The following PDHB variants were observed in gnomAD, a reference collection of about 807,000 sequenced individuals.
PDHB encodes pyruvate dehydrogenase E1 subunit beta, also known as pyruvate dehydrogenase E1 component subunit beta, mitochondrial.
PDHB carries 17 observed loss-of-function variants against 42.8 expected under a neutral mutation model. The observed-to-expected ratio is 0.40, with a 90% CI of 0.27 to 0.60. PDHB has a LOEUF of 0.60. PDHB is among the 20% of genes least tolerant of loss of function. PDHB has a pLI of 0.46. For synonymous variants in PDHB, 154 were observed against 148.7 expected (o/e 1.04, Z -0.26); for missense variants, 322 against 451.3 (o/e 0.71, Z 2.60).
At position 58,431,660 on chromosome 3, in the gene PDHB, T is replaced by G; in HGVS notation, c.268-32A>C. ...AGTAAAATATAAACATAAGTGAAAA[T>G]CCATAAAAATGAGGATAATGGACAC... On this transcript the variant is annotated intron_variant, in intron 4 of 9. Transcript: ENST00000302746. The surrounding 1 kb of genome is among the most constrained non-coding windows in gnomAD (Gnocchi z 4.4). The G allele has an allele frequency of 6.2e-7, 1 of 1,607,292 alleles. No homozygotes were observed. The highest frequency in any genetic ancestry group is 8.5e-7 in the Non-Finnish European group (1 of 1,174,068).
intron 2 of PDHB, 165 bp from the exon 3 acceptor site, chr3:58,432,149 A>G: frequency 1.5e-6 from 1 of 665,428 alleles, no homozygotes; most frequent in Non-Finnish European, 2.7e-6. Flanking sequence ...TTTCTATTAC[A>G]CATAGTTGGT....
chr3:58,432,035 T>A, intron 2 of PDHB, 51 bp from the exon 3 acceptor site: 2 of 1,261,308 alleles, frequency 1.6e-6, no homozygotes, highest in Non-Finnish European at 2.3e-6. Flanking sequence ...GGGATTCAAC[T>A]AAGATTTTCT....
At position 58,430,882 on chromosome 3, in the gene PDHB, G is replaced by A. The variant is rs1006798214; in HGVS notation, c.364C>T (p.Gln122Ter). The change falls in exon 6 of 10, where the codon CAG becomes TAG. Residue 122 changes from glutamine (Q) to a stop codon, truncating the protein, a stop_gained. Coordinates refer to ENST00000302746, the MANE Select transcript of PDHB (RefSeq NM_000925.4). LOFTEE classifies it high-confidence loss of function. ...TFNFSMQAID[Q>*]VINSAAKTYY... is the part of the protein sequence containing the mutation. Reference sequence around the variant, plus strand: ...GTCTTGGCAGCTGAGTTTATAACCTGGTCAATGGCTTGCATGGAGAAATTG... The same window carrying A: ...GTCTTGGCAGCTGAGTTTATAACCTAGTCAATGGCTTGCATGGAGAAATTG... 6.2e-7 allele frequency: 1 copy of A among 1,613,974 alleles called. No homozygotes were observed. Among genetic ancestry groups the A allele is most frequent in the Non-Finnish European group, 8.5e-7 (1 of 1,179,980 alleles).
At position 58,430,810 on chromosome 3, in the gene PDHB, C is replaced by G; in HGVS notation, c.436G>C (p.Gly146Arg). ...ACACCTGCTGAGGCACCATTGGGCC[C>G]TCTGAAGACTATAGGCACAGGCTGA... ...GLQPVPIVFR[G>R]PNGASAGVAA... Residue 146 changes from glycine (G) to arginine (R), a missense_variant, in exon 6 of 10, where the codon GGG becomes CGG. Physicochemically the swap from Gly to Arg is moderately radical, Grantham distance 125. Coordinates refer to ENST00000302746, the MANE Select transcript of PDHB (RefSeq NM_000925.4). 1 of 1,614,084 alleles carries G rather than the reference C, an allele frequency of 6.2e-7. No individual in the cohort carries two copies. Among genetic ancestry groups the G allele is most frequent in the Non-Finnish European group, 8.5e-7 (1 of 1,179,976 alleles).
Position 58,431,831 on chromosome 3 carries a change from G to A in PDHB, c.205-38C>T. 1.2e-6 allele frequency: 2 copies of A among 1,606,970 alleles called. No individual in the cohort carries two copies. The highest frequency in any genetic ancestry group is 1.7e-5 in the Admixed American group (1 of 60,020). ...GTTGATCCCTTAAGTGTATCTGGGGGTAACAGTGACCTCAATTTTGTATAA... is the reference window on the plus strand; with the variant it reads ...GTTGATCCCTTAAGTGTATCTGGGGATAACAGTGACCTCAATTTTGTATAA... On this transcript the variant is annotated intron_variant, in intron 3 of 9. Coordinates refer to ENST00000302746, the MANE Select transcript of PDHB (RefSeq NM_000925.4). This position sits in a 1 kb window ranked among gnomAD's most constrained non-coding sequence, Gnocchi z 4.4.
chr3:58,433,702 A>T lies in PDHB; in HGVS notation c.43-18T>A. ...CCGGAGACCTGGCAGGGAGAGAGGA[A>T]GATGACGGCGGGACGCAGGGTGGGC... On this transcript the variant is annotated intron_variant, in intron 1 of 9. Transcript: ENST00000302746. 6.2e-7 allele frequency: 1 copy of T among 1,612,828 alleles called. No homozygotes were observed. The highest frequency in any genetic ancestry group is 1.1e-5 in the South Asian group (1 of 90,856).
chr3:58,429,735 C>A lies in PDHB; in HGVS notation c.765G>T (p.Val255=), dbSNP rs760789048. ...PVGHCLEAAA[V]LSKEGVECEV... ...CACATTCAACTCCTTCTTTAGATAGCACTGCTGCAGCTTCTAAGCAGTGGC... is the reference window on the plus strand; with the variant it reads ...CACATTCAACTCCTTCTTTAGATAGAACTGCTGCAGCTTCTAAGCAGTGGC... The change falls in exon 8 of 10, where the codon GTG becomes GTT. Residue 255 remains valine (V), a synonymous_variant. Coordinates refer to ENST00000302746, the MANE Select transcript of PDHB (RefSeq NM_000925.4). 6.2e-7 allele frequency: 1 copy of A among 1,610,884 alleles called. No individual in the cohort carries two copies.
chr3:58,431,529 T>C lies in PDHB; in HGVS notation c.303+64A>G. ...CTGGACAACAGAGTGAGACTCTGTC[T>C]CAAAAGAAAAAAAAAGAAAACAAGA... is the stretch of plus-strand genomic sequence containing the variant. On this transcript the variant is annotated intron_variant, in intron 5 of 9. Coordinates refer to ENST00000302746, the MANE Select transcript of PDHB (RefSeq NM_000925.4). The surrounding 1 kb of genome is among the most constrained non-coding windows in gnomAD (Gnocchi z 4.4). 7.4e-7 allele frequency: 1 copy of C among 1,349,486 alleles called. No homozygotes were observed. 83.6% of individuals were successfully genotyped at this position (1,349,486 alleles called of 1,614,324 possible).
Position 58,428,513 on chromosome 3 carries a change from C to G in PDHB, c.894G>C (p.Gln298His). Residue 298 changes from glutamine (Q) to histidine (H), a missense_variant, in exon 9 of 10, where the codon CAG becomes CAC. Around this residue, in one of 3 missense-constraint regions of PDHB, gnomAD observed 208 missense variants for 285.0 expected, o/e 0.73. Coordinates refer to ENST00000302746, the MANE Select transcript of PDHB (RefSeq NM_000925.4). ...HLVTVEGGWP[Q>H]FGVGAEICAR... ...CACAGATTTCAGCTCCTACTCCAAA[C>G]TGTGGCCAGCCTCCTTCCACAGTTA... 1 of 1,614,226 alleles carries G rather than the reference C, an allele frequency of 6.2e-7. No individual in the cohort carries two copies. The highest frequency in any genetic ancestry group is 8.5e-7 in the Non-Finnish European group (1 of 1,180,030).
chr3:58,428,557 T>C lies in PDHB; in HGVS notation c.850A>G (p.Met284Val). 5 of 1,613,792 alleles carry C rather than the reference T, an allele frequency of 3.1e-6. No individual in the cohort carries two copies. The highest frequency in any genetic ancestry group is 4.2e-6 in the Non-Finnish European group (5 of 1,179,622). The change falls in exon 9 of 10, where the codon ATG (methionine) becomes GTG (valine). Residue 284 changes from methionine (M) to valine (V), a missense_variant. Physicochemically the swap from Met to Val is conservative, Grantham distance 21. Coordinates refer to ENST00000302746, the MANE Select transcript of PDHB (RefSeq NM_000925.4). ...MDMETIEASV[M>V]KTNHLVTVEG... is the part of the protein sequence containing the mutation. Reference sequence around the variant, plus strand: ...ACAGTTACAAGATGATTTGTCTTCATGACACTGGCTTCTATGGTTTCCATG... The same window carrying C: ...ACAGTTACAAGATGATTTGTCTTCACGACACTGGCTTCTATGGTTTCCATG...
Position 58,427,780 on chromosome 3 carries a change from G to C in PDHB, c.*254C>G. 1.8e-6 allele frequency: 1 copy of C among 545,330 alleles called. No homozygotes were observed. The highest frequency in any genetic ancestry group is 1.5e-5 in the South Asian group (1 of 65,284). The allele number at this position is 545,330 out of a possible 1,614,324, so 33.8% of individuals were successfully genotyped here. ...CATACTTTGTCCTTGTGGTGAGAGA[G>C]GATAAAATGTTATATAATTTGTTAT... On this transcript the variant is annotated 3_prime_UTR_variant, in exon 10 of 10. Transcript: ENST00000302746.
In PDHB at chr3:58,429,733, A is replaced by G. The variant is rs750694855; in HGVS notation, c.767T>C (p.Leu256Pro). ...CTCACATTCAACTCCTTCTTTAGAT[A>G]GCACTGCTGCAGCTTCTAAGCAGTG... ...VGHCLEAAAV[L>P]SKEGVECEVI... The change falls in exon 8 of 10, where the codon CTA becomes CCA. Residue 256 changes from leucine (L) to proline (P), a missense_variant. This residue lies in a region of PDHB where 208 missense variants were observed against 285.0 expected (regional missense o/e 0.73). Transcript: ENST00000302746. 1 of 1,609,776 alleles carries G rather than the reference A, an allele frequency of 6.2e-7. No homozygotes were observed. Among genetic ancestry groups the G allele is most frequent in the South Asian group, 1.1e-5 (1 of 91,016 alleles).
Position 58,433,628 on chromosome 3 carries a change from T to C in PDHB, c.96+3A>G. On this transcript the variant is annotated splice_donor_region_variant and intron_variant, in intron 2 of 9. Transcript: ENST00000302746. ...TCGTCCGACGAGCACCCGCGCCTGTTACCTGCAGCGCAGCCGGCGCGGTCC... is the reference window on the plus strand; with the variant it reads ...TCGTCCGACGAGCACCCGCGCCTGTCACCTGCAGCGCAGCCGGCGCGGTCC... 1 of 1,610,004 alleles carries C rather than the reference T, an allele frequency of 6.2e-7. No individual in the cohort carries two copies. Among genetic ancestry groups the C allele is most frequent in the Non-Finnish European group, 8.5e-7 (1 of 1,178,898 alleles).
Position 58,430,647 on chromosome 3 carries a change from C to T in PDHB, c.589+10G>A. Reference sequence around the variant, plus strand: ...ATCTTCAAAAAAAACCAAAGGGTCCCTGTGCTGACCTGGATTGTTATCCCG... The same window carrying T: ...ATCTTCAAAAAAAACCAAAGGGTCCTTGTGCTGACCTGGATTGTTATCCCG... On this transcript the variant is annotated intron_variant, in intron 6 of 9. Coordinates refer to ENST00000302746, the MANE Select transcript of PDHB (RefSeq NM_000925.4). 6.2e-7 allele frequency: 1 copy of T among 1,611,918 alleles called. No individual in the cohort carries two copies. Among genetic ancestry groups the T allele is most frequent in the Non-Finnish European group, 8.5e-7 (1 of 1,179,020 alleles).
rs2062917515 is a variant in PDHB at position 58,431,225 on chromosome 3, T to TC, written c.304-284dup. On this transcript the variant is annotated intron_variant, in intron 5 of 9. Transcript: ENST00000302746. This position sits in a 1 kb window ranked among gnomAD's most constrained non-coding sequence, Gnocchi z 4.4. ...CTACCTACTTGGTATTTTTTTTTTT[T>TC]CCCAAATGATGTTTTTAAAAGGTGA... 1 of 480,570 alleles carries TC rather than the reference T, an allele frequency of 2.1e-6. No homozygotes were observed. The highest frequency in any genetic ancestry group is 3.9e-5 in the East Asian group (1 of 25,536). The allele number at this position is 480,570 out of a possible 1,614,324, so 29.8% of individuals were successfully genotyped here.
In PDHB at chr3:58,433,697, G is replaced by C. The variant is rs773610612; in HGVS notation, c.43-13C>G. On this transcript the variant is annotated splice_polypyrimidine_tract_variant and intron_variant, in intron 1 of 9. Coordinates refer to ENST00000302746, the MANE Select transcript of PDHB (RefSeq NM_000925.4). ...GCAGCCCGGAGACCTGGCAGGGAGAGAGGAAGATGACGGCGGGACGCAGGG... is the reference window on the plus strand; with the variant it reads ...GCAGCCCGGAGACCTGGCAGGGAGACAGGAAGATGACGGCGGGACGCAGGG... 1.2e-6 allele frequency: 2 copies of C among 1,612,878 alleles called. No homozygotes were observed. The highest frequency in any genetic ancestry group is 4.5e-5 in the East Asian group (2 of 44,866).
chr3:58,431,570 G>T lies in PDHB; in HGVS notation c.303+23C>A, dbSNP rs372901315. 8.3e-6 allele frequency: 13 copies of T among 1,567,210 alleles called. No homozygotes were observed. The highest frequency in any genetic ancestry group is 1.1e-5 in the Non-Finnish European group (13 of 1,139,060). ...GAAAACAAGAAATGTCTTTGGATAA[G>T]TTTCATAAAGAGTATTACATACCAT... On this transcript the variant is annotated intron_variant, in intron 5 of 9. Transcript: ENST00000302746. This position sits in a 1 kb window ranked among gnomAD's most constrained non-coding sequence, Gnocchi z 4.4.
rs1271152681 is a variant in PDHB, at chr3:58,431,582, G to GT, written c.303+10dup. 6.3e-7 allele frequency: 1 copy of GT among 1,583,214 alleles called. No individual in the cohort carries two copies. Among genetic ancestry groups the GT allele is most frequent in the Admixed American group, 1.7e-5 (1 of 59,982 alleles). ...TGTCTTTGGATAAGTTTCATAAAGAGTATTACATACCATAGCTGCACCTAC... is the reference window on the plus strand; with the variant it reads ...TGTCTTTGGATAAGTTTCATAAAGAGTTATTACATACCATAGCTGCACCTAC... On this transcript the variant is annotated intron_variant, in intron 5 of 9. Transcript: ENST00000302746. The surrounding 1 kb of genome is among the most constrained non-coding windows in gnomAD (Gnocchi z 4.4).
chr3:58,430,004 G>A, intron 7 of PDHB, 124 bp downstream of exon 7: 1 of 742,154 alleles, frequency 1.3e-6, no homozygotes, highest in Non-Finnish European at 2.4e-6. Flanking sequence ...ATGAGAAATT[G>A]GGGCATCTTG....
Sources: allele counts gnomAD v4.1 joint callset, GRCh38; gene constraint gnomAD v4.1.1; regional missense constraint gnomAD v4.1.1; non-coding constraint Gnocchi (gnomAD v3.1); transcripts MANE v1.5; gene names NCBI Gene and HGNC (gene_info 2026-07-23, HGNC 2026-07-21).